Variants in MAF observed in about 807,000 individuals in gnomAD.
MAF encodes the protein MAF bZIP transcription factor.
MAF carries 10 observed loss-of-function variants against 22.0 expected under a neutral mutation model. That is an observed-to-expected ratio of 0.45 (90% confidence interval 0.28 to 0.77). MAF has a LOEUF of 0.77. Ranked by LOEUF, MAF falls within the 30% of genes least tolerant of loss-of-function variation. The probability of loss-of-function intolerance (pLI) is 0.12; values close to 1 mark genes in which losing one functional copy is unlikely to be tolerated. For missense variants in MAF, 544 were observed against 548.4 expected (o/e 0.99, Z 0.08); for synonymous variants, 337 against 255.8 (o/e 1.32, Z -3.03).
At chr16:79,414,340 T>C in the MAF span, among the ~76,000 whole-genome samples, 2 of 152,262 alleles carry the variant, frequency 1.3e-5, no homozygotes, top group Admixed American at 6.5e-5. Context: ...ATTTTGCTCA[T>C]GGTAGCAGGC....
chr16:79,459,653 G>A, the MAF span, among the ~76,000 whole-genome samples: 1 of 151,432 alleles, frequency 6.6e-6, no homozygotes, highest in Non-Finnish European at 1.5e-5. Flanking sequence ...GCTCATTGCA[G>A]CCTCGACTTC....
chr16:79,554,130 A>AAACAAACAAAC, the MAF span, among the ~76,000 whole-genome samples: 4 of 79,746 alleles, frequency 5.0e-5, no homozygotes, highest in Admixed American at 1.1e-4. Context: ...AACAAACAAA[A>AAACAAACAAAC]CCACCAAACC....
At chr16:79,544,711 C>G in the MAF span, among the ~76,000 whole-genome samples, 1 of 144,298 alleles carries the variant, frequency 6.9e-6, no homozygotes, top group Non-Finnish European at 1.5e-5. Flanking sequence ...AGGCGGACCT[C>G]ACAGTAAGCT....
chr16:79,382,498 G>C, the MAF span, among the ~76,000 whole-genome samples: 1 of 152,282 alleles, frequency 6.6e-6, no homozygotes, highest in African/African-American at 2.4e-5. Flanking sequence ...ATTGTAAACT[G>C]TGCTAATTTT....
At chr16:79,256,254 C>G in the MAF span, among the ~76,000 whole-genome samples, 1,240 of 151,986 alleles carry the variant, frequency 8.2e-3, 24 homozygotes, top group African/African-American at 0.028. Context: ...TCCCAGAGTG[C>G]TGGGATTACA....
the MAF span, among the ~76,000 whole-genome samples, chr16:79,439,685 A>G: frequency 6.6e-6 from 1 of 152,156 alleles, no homozygotes; most frequent in South Asian, 2.1e-4. Flanking sequence ...AACCATAGAC[A>G]CTCACTCAGA....
the MAF span, among the ~76,000 whole-genome samples, chr16:79,291,423 TTGGATTC>T: frequency 6.6e-6 from 1 of 152,136 alleles, no homozygotes. Context: ...TCTCCTGCTT[TTGGATTC>T]TGGCTCTAAA....
chr16:79,220,388 A>AT, the MAF span, among the ~76,000 whole-genome samples: 3 of 152,080 alleles, frequency 2.0e-5, no homozygotes, highest in Non-Finnish European at 4.4e-5. Flanking sequence ...ACTGTGGTAC[A>AT]TTTTTTATGC....
chr16:79,342,568 C>T, the MAF span, among the ~76,000 whole-genome samples: 3 of 152,074 alleles, frequency 2.0e-5, no homozygotes, highest in African/African-American at 7.2e-5. Context: ...CCATTACCAT[C>T]ACCATCACCA....
rs1913903255 is a variant in MAF at position 79,599,918 on chromosome 16, GC to G, written c.-17del. ...CTGATGCCATTCTCCTGCCGCCGCC[GC>G]CGCCGCCGCCGCCGCTCCGCCAGAT... On this transcript the variant is annotated 5_prime_UTR_variant, in exon 1 of 2. Transcript: ENST00000326043. 2 of 1,577,212 alleles carry G rather than the reference GC, an allele frequency of 1.3e-6. No individual in the cohort carries two copies. The highest frequency in any genetic ancestry group is 2.2e-5 in the East Asian group (1 of 44,656).
At chr16:79,235,569 T>C in the MAF span, among the ~76,000 whole-genome samples, 2 of 151,842 alleles carry the variant, frequency 1.3e-5, no homozygotes, top group Middle Eastern at 3.4e-3. Flanking sequence ...AAAATATGAT[T>C]GAAAGCCGCA....
the MAF span, among the ~76,000 whole-genome samples, chr16:79,560,580 CT>C: frequency 7.9e-4 from 118 of 149,614 alleles, no homozygotes; most frequent in South Asian, 9.2e-3. Flanking sequence ...CACAGAAGGT[CT>C]TTTTTTTTTC....
the MAF span, among the ~76,000 whole-genome samples, chr16:79,295,279 G>C: frequency 6.6e-6 from 1 of 152,166 alleles, no homozygotes; most frequent in Non-Finnish European, 1.5e-5. Flanking sequence ...ATGTAAAGGA[G>C]TTTAATGGAG....
chr16:79,521,673 T>A, the MAF span, among the ~76,000 whole-genome samples: 1 of 152,196 alleles, frequency 6.6e-6, no homozygotes, highest in East Asian at 1.9e-4. Flanking sequence ...ATCTTTCCAG[T>A]GCAAGAACCT....
At chr16:79,496,632 G>C in the MAF span, among the ~76,000 whole-genome samples, 1 of 152,182 alleles carries the variant, frequency 6.6e-6, no homozygotes, top group Admixed American at 6.5e-5. Context: ...TATGGATATA[G>C]TTTTCAAAGG....
the MAF span, among the ~76,000 whole-genome samples, chr16:79,267,626 T>C: frequency 2.0e-5 from 3 of 152,190 alleles, no homozygotes; most frequent in Admixed American, 6.5e-5. Flanking sequence ...CCGGGTAGTA[T>C]GACATGGAGA....
At chr16:79,525,478 A>C in the MAF span, among the ~76,000 whole-genome samples, 1 of 152,222 alleles carries the variant, frequency 6.6e-6, no homozygotes, top group East Asian at 1.9e-4. Context: ...TATTGACAGC[A>C]ATTTGATCAA....
the MAF span, among the ~76,000 whole-genome samples, chr16:79,386,759 G>A: frequency 2.0e-5 from 3 of 152,158 alleles, no homozygotes; most frequent in Admixed American, 6.5e-5. Flanking sequence ...CTGAGAAGGT[G>A]CTAGATGGTG....
chr16:79,500,791 T>G, the MAF span, among the ~76,000 whole-genome samples: 1 of 152,062 alleles, frequency 6.6e-6, no homozygotes, highest in Non-Finnish European at 1.5e-5. Flanking sequence ...GCTGGAAACT[T>G]TGGGACTCAT....
Sources: gnomAD v4.1 joint callset for allele counts (sites outside exome capture counted in the v4.1 genomes callset) on GRCh38, gnomAD v4.1.1 for gene constraint, MANE v1.5 for transcripts, NCBI Gene and HGNC (gene_info 2026-07-23, HGNC 2026-07-21) for gene names.